Variants in KAT2B observed in about 807,000 individuals in gnomAD.
The protein encoded by KAT2B is lysine acetyltransferase 2B.
Under a neutral mutation model 105.9 loss-of-function variants are expected in KAT2B, and 36 were observed. The observed-to-expected ratio is 0.34, with a 90% CI of 0.26 to 0.45. The LOEUF is 0.45. Ranked by LOEUF, KAT2B falls within the 20% of genes least tolerant of loss-of-function variation. KAT2B has a pLI of 1.00. For synonymous variants in KAT2B, 397 were observed against 377.9 expected (o/e 1.05, Z -0.59); for missense variants, 820 against 1,021.6 (o/e 0.80, Z 2.69).
Position 20,149,495 on chromosome 3 carries a change from C to CAAAAAA in KAT2B, c.2305+1028_2305+1033dup, listed in dbSNP as rs56091316. Among the ~76,000 whole-genome samples, 91 of 42,430 alleles carry CAAAAAA rather than the reference C, an allele frequency of 2.1e-3. 7 individuals carry two copies. The East Asian group carries it at 0.029, about 14-fold the overall frequency. The allele number at this position is 42,430 out of a possible 152,430, so 27.8% of individuals were successfully genotyped here. Reference sequence around the variant, plus strand: ...TGGGCACTGGAGGGAGACCGTATCTCAAAAAAAAAAAAAAAAAAAAAAAAA... The same window carrying CAAAAAA: ...TGGGCACTGGAGGGAGACCGTATCTCAAAAAAAAAAAAAAAAAAAAAAAAAAAAAAA... On this transcript the variant is annotated intron_variant, in intron 17 of 17. Coordinates refer to ENST00000263754, the MANE Select transcript of KAT2B (RefSeq NM_003884.5).
intron 13 of KAT2B, among the ~76,000 whole-genome samples, chr3:20,140,693 T>C (rs998746664): frequency 6.6e-6 from 1 of 152,226 alleles, no homozygotes; most frequent in African/African-American, 2.4e-5. Context: ...CGTTTCACCA[T>C]GTTGGCCAGG....
intron 8 of KAT2B, among the ~76,000 whole-genome samples, chr3:20,121,732 A>ATG (rs3840188): frequency 0.07 from 7,640 of 109,404 alleles, 255 homozygotes; most frequent in East Asian, 0.12. Context: ...ACATATGCAT[A>ATG]TGTGTGTGTG....
At chr3:20,139,230 T>A (rs2661379) in intron 12 of KAT2B, among the ~76,000 whole-genome samples, 9,854 of 152,188 alleles carry the variant, frequency 0.065, 344 homozygotes, top group Non-Finnish European at 0.078. Context: ...TCTTTTTTTT[T>A]AAAAATGTGT....
intron 1 of KAT2B, among the ~76,000 whole-genome samples, chr3:20,062,463 T>A (rs1192310944): frequency 2.4e-5 from 3 of 122,754 alleles, no homozygotes; most frequent in Non-Finnish European, 5.0e-5. Flanking sequence ...TATATTTTAT[T>A]TTATATATAT....
intron 3 of KAT2B, among the ~76,000 whole-genome samples, chr3:20,098,966 A>C (rs78798359): frequency 0.02 from 2,980 of 152,286 alleles, 83 homozygotes; most frequent in African/African-American, 0.068. Flanking sequence ...TCTACTGAAA[A>C]GGCAGTAAGC....
At position 20,127,416 on chromosome 3, in the gene KAT2B, C is replaced by G. The variant is rs1559325783; in HGVS notation, c.1623-7C>G. ...GGTAAAACTTTGACATAATCTTATT[C>G]TTTCAGGAAACACAAAACCCTTGCT... On this transcript the variant is annotated splice_polypyrimidine_tract_variant and splice_region_variant and intron_variant, in intron 10 of 17. Coordinates refer to ENST00000263754, the MANE Select transcript of KAT2B (RefSeq NM_003884.5). 6.2e-7 allele frequency: 1 copy of G among 1,611,714 alleles called. No homozygotes were observed. The highest frequency in any genetic ancestry group is 8.5e-7 in the Non-Finnish European group (1 of 1,177,994).
chr3:20,109,305 G>C (rs1699078580), intron 5 of KAT2B, among the ~76,000 whole-genome samples: 1 of 151,932 alleles, frequency 6.6e-6, no homozygotes, highest in South Asian at 2.1e-4. Context: ...TAGATAGATA[G>C]ATAGATAGAT....
chr3:20,100,056 A>G, intron 4 of KAT2B, 102 bp downstream of exon 4: 1 of 654,936 alleles, frequency 1.5e-6, no homozygotes, highest in Non-Finnish European at 2.7e-6. Context: ...CTCCATACCC[A>G]GGTTAGAGAT....
chr3:20,093,256 G>C (rs1357239027), intron 2 of KAT2B, among the ~76,000 whole-genome samples: 1 of 152,198 alleles, frequency 6.6e-6, no homozygotes, highest in Non-Finnish European at 1.5e-5. Context: ...TACTAAGCCA[G>C]CTCTCACTGT....
chr3:20,060,203 G>A (rs1698075991), intron 1 of KAT2B, among the ~76,000 whole-genome samples: 1 of 152,224 alleles, frequency 6.6e-6, no homozygotes, highest in Non-Finnish European at 1.5e-5. Context: ...CTGCATGCAA[G>A]TCTTAGTATG....
In KAT2B at chr3:20,136,978, T is replaced by C. The variant is rs1244248973; in HGVS notation, c.1786T>C (p.Tyr596His). ...ACACCTGATGAATCATTTGAAAGAA[T>C]ATCACATAAAGCATGACATCCTGAA... ...GTHLMNHLKEYHIKHDILNFL... is the reference protein window; with the variant it reads ...GTHLMNHLKEHHIKHDILNFL... The change falls in exon 12 of 18, where the codon TAT (tyrosine) becomes CAT (histidine). Residue 596 changes from tyrosine to histidine, a missense_variant. Transcript: ENST00000263754. 4.3e-6 allele frequency: 7 copies of C among 1,609,440 alleles called. No individual in the cohort carries two copies. In the Admixed American group the frequency reaches 5.0e-5, roughly 11 times the overall value.
At chr3:20,111,554 G>A (rs147677527) in intron 5 of KAT2B, 42 bp from the exon 6 acceptor site, 137 of 1,487,716 alleles carry the variant, frequency 9.2e-5, no homozygotes, top group Middle Eastern at 2.0e-4. Flanking sequence ...ATGACCTGGG[G>A]GTTTATGGGA....
At chr3:20,078,116 T>A (rs1169686401) in intron 2 of KAT2B, among the ~76,000 whole-genome samples, 1 of 151,682 alleles carries the variant, frequency 6.6e-6, no homozygotes, top group Non-Finnish European at 1.5e-5. Flanking sequence ...GAGGCAGAGG[T>A]TTCAGTGGGC....
chr3:20,099,908 G>C lies in KAT2B; in HGVS notation c.623G>C (p.Gly208Ala), dbSNP rs1698879752. ...CAAAGAGGAAAACCTGTGGTTGAAG[G>C]CTCTTTGGAAAAGAAACCCCCATTT... ...ILQRGKPVVE[G>A]SLEKKPPFEK... The change falls in exon 4 of 18, where the codon GGC becomes GCC. Residue 208 changes from glycine to alanine, a missense_variant. Physicochemically the swap from Gly to Ala is moderately conservative, Grantham distance 60. This residue lies in a region of KAT2B where 173 missense variants were observed against 249.5 expected (regional missense o/e 0.69). Coordinates refer to ENST00000263754, the MANE Select transcript of KAT2B (RefSeq NM_003884.5). 6.2e-7 allele frequency: 1 copy of C among 1,609,306 alleles called. No homozygotes were observed. Among genetic ancestry groups the C allele is most frequent in the Admixed American group, 1.7e-5 (1 of 59,852 alleles).
At chr3:20,062,418 T>TTATTATATATAATATA (rs1698152823) in intron 1 of KAT2B, among the ~76,000 whole-genome samples, 1 of 67,766 alleles carries the variant, frequency 1.5e-5, no homozygotes, top group Non-Finnish European at 3.1e-5. Flanking sequence ...ATATTATATA[T>TTATTATATATAATATA]TATTATATAT....
chr3:20,073,519 G>A (rs1698363795), intron 2 of KAT2B, among the ~76,000 whole-genome samples: 1 of 152,140 alleles, frequency 6.6e-6, no homozygotes, highest in Admixed American at 6.6e-5. Flanking sequence ...ATCTTCCCAA[G>A]AAGTCATCAC....
chr3:20,055,279 C>G (rs1697986468), intron 1 of KAT2B, among the ~76,000 whole-genome samples: 1 of 152,270 alleles, frequency 6.6e-6, no homozygotes, highest in Non-Finnish European at 1.5e-5. Context: ...TTTCCGTTTA[C>G]TCAACAAATT....
Position 20,101,278 on chromosome 3 carries a change from C to G in KAT2B, c.670-9C>G. The G allele has an allele frequency of 6.2e-7, 1 of 1,612,262 alleles. No homozygotes were observed. The highest frequency in any genetic ancestry group is 8.5e-7 in the Non-Finnish European group (1 of 1,178,644). On this transcript the variant is annotated splice_polypyrimidine_tract_variant and intron_variant, in intron 4 of 17. Coordinates refer to ENST00000263754, the MANE Select transcript of KAT2B (RefSeq NM_003884.5). ...GCTGCATGAAGAAATTGCCTTCCCT[C>G]TTTTTAAGGGTGTGAATAACTTTGT...
intron 11 of KAT2B, among the ~76,000 whole-genome samples, chr3:20,132,391 A>T (rs1186361366): frequency 1.3e-5 from 2 of 152,164 alleles, no homozygotes; most frequent in African/African-American, 4.8e-5. Context: ...AAAAATATTG[A>T]ATTTGATATT....
Sources: allele counts gnomAD v4.1 joint callset (sites outside exome capture counted in the v4.1 genomes callset), GRCh38; gene constraint gnomAD v4.1.1; regional missense constraint gnomAD v4.1.1; transcripts MANE v1.5; gene names NCBI Gene and HGNC (gene_info 2026-07-23, HGNC 2026-07-21).